WDFY4: variants seen among roughly 807,000 people sequenced by gnomAD.
WDFY4 encodes the protein WDFY family member 4, also known as WD repeat- and FYVE domain-containing protein 4.
WDFY4 carries 169 observed loss-of-function variants against 351.9 expected under a neutral mutation model. The ratio of observed to expected loss-of-function variants is 0.48; its 90% CI spans 0.42 to 0.55. The LOEUF is 0.55. Ranked by LOEUF, WDFY4 falls within the 20% of genes least tolerant of loss-of-function variation. The pLI, the probability that WDFY4 is intolerant of heterozygous loss-of-function variation, is 0.00. For missense variants in WDFY4, 3,803 were observed against 3,935.6 expected (o/e 0.97, Z 0.90); for synonymous variants, 1,622 against 1,574.6 (o/e 1.03, Z -0.71).
In WDFY4 at chr10:48,787,890, T is replaced by TTC. The variant is rs2066492974; in HGVS notation, c.3809-640_3809-639insTC. Among the ~76,000 whole-genome samples the TTC allele has an allele frequency of 4.1e-4, 30 of 72,798 alleles. 3 individuals carry two copies. Among genetic ancestry groups the TTC allele is most frequent in the African/African-American group, 2.8e-3 (29 of 10,278 alleles). The allele number at this position is 72,798 out of a possible 152,430, so 47.8% of individuals were successfully genotyped here. ...TTCTTTCTTCTTTCTTTCTTCTTCT[T>TTC]CTCCTTCTTCTTCTTCTTCTTCTTC... On this transcript the variant is annotated intron_variant, in intron 20 of 61. Coordinates refer to ENST00000325239, the MANE Select transcript of WDFY4 (RefSeq NM_001394531.1).
At chr10:48,733,118 T>A (rs567217252) in intron 9 of WDFY4, among the ~76,000 whole-genome samples, 1 of 152,242 alleles carries the variant, frequency 6.6e-6, no homozygotes, top group African/African-American at 2.4e-5. Flanking sequence ...TAGCTGGTAT[T>A]TCTTTTCAGC....
chr10:48,700,052 T>A (rs986553630), intron 1 of WDFY4, among the ~76,000 whole-genome samples: 2 of 152,242 alleles, frequency 1.3e-5, no homozygotes. Context: ...TGCTGATGCA[T>A]GCTGAAGTTT....
chr10:48,742,884 G>A (rs896518941), intron 11 of WDFY4, 84 bp from the exon 12 acceptor site: 1 of 1,291,256 alleles, frequency 7.7e-7, no homozygotes, highest in Middle Eastern at 1.9e-4. Flanking sequence ...AAGAGCTAGT[G>A]GGACGCTCTG....
chr10:48,818,280 A>C (rs1036391730), intron 32 of WDFY4, among the ~76,000 whole-genome samples: 31 of 152,192 alleles, frequency 2.0e-4, no homozygotes, highest in African/African-American at 7.2e-4. Context: ...GGGGTTTATA[A>C]TCCATGCCAA....
At chr10:48,918,905 T>C (rs1300981233) in intron 47 of WDFY4, among the ~76,000 whole-genome samples, 1 of 152,204 alleles carries the variant, frequency 6.6e-6, no homozygotes, top group Non-Finnish European at 1.5e-5. Flanking sequence ...AAATGTCCAC[T>C]GAGGAGCAAA....
intron 45 of WDFY4, among the ~76,000 whole-genome samples, chr10:48,898,532 G>A (rs1483392663): frequency 6.6e-6 from 1 of 152,168 alleles, no homozygotes; most frequent in African/African-American, 2.4e-5. Flanking sequence ...TCTATTTTCT[G>A]TACGTAGGTC....
intron 1 of WDFY4, among the ~76,000 whole-genome samples, chr10:48,690,901 G>C (rs904976285): frequency 3.9e-5 from 6 of 152,178 alleles, no homozygotes; most frequent in African/African-American, 1.4e-4. Context: ...TGGTTTGTGG[G>C]TCTGGTAGCC....
rs1282720222 is a variant in WDFY4 at position 48,828,825 on chromosome 10, A to G, written c.6269A>G (p.Tyr2090Cys). 1.9e-6 allele frequency: 3 copies of G among 1,549,292 alleles called. No individual in the cohort carries two copies. Among genetic ancestry groups the G allele is most frequent in the Non-Finnish European group, 2.6e-6 (3 of 1,146,172 alleles). ...GAGCCCAAGCCTAGAATGTCTACTT[A>G]TCATCAAGTCTTCCTTTCCCCAAAT... ...GLEPKPRMST[Y>C]HQVFLSPNED... is the part of the protein sequence containing the mutation. Residue 2090 changes from tyrosine (Y) to cysteine (C), a missense_variant, in exon 37 of 62, where the codon TAT becomes TGT. Coordinates refer to ENST00000325239, the MANE Select transcript of WDFY4 (RefSeq NM_001394531.1).
At chr10:48,940,825 A>G (rs1187522316) in intron 47 of WDFY4, among the ~76,000 whole-genome samples, 2 of 152,110 alleles carry the variant, frequency 1.3e-5, no homozygotes, top group African/African-American at 2.4e-5. Context: ...TTTCAGGTGA[A>G]GGGAGAGGGG....
Position 48,978,601 on chromosome 10 carries a change from G to T in WDFY4, c.9376+208G>T, listed in dbSNP as rs1054852881. On this transcript the variant is annotated intron_variant, in intron 60 of 61. Transcript: ENST00000325239. ...ACCTGCTGCCATCACAGCCACAACG[G>T]CCTCAGAATAACCTAACCATAGACA... is the stretch of plus-strand genomic sequence containing the variant. 1.2e-5 allele frequency: 6 copies of T among 519,524 alleles called. No individual in the cohort carries two copies. The African/African-American group carries it at 1.2e-4, about 10-fold the overall frequency. The allele number at this position is 519,524 out of a possible 1,614,324, so 32.2% of individuals were successfully genotyped here.
chr10:48,741,875 C>G (rs889028226), intron 11 of WDFY4, among the ~76,000 whole-genome samples: 2 of 152,174 alleles, frequency 1.3e-5, no homozygotes, highest in African/African-American at 2.4e-5. Context: ...TGTCCACTCT[C>G]TAGGAAACAC....
intron 13 of WDFY4, among the ~76,000 whole-genome samples, chr10:48,764,759 T>C (rs968150862): frequency 2.0e-5 from 3 of 152,272 alleles, no homozygotes; most frequent in African/African-American, 7.2e-5. Context: ...ACAGACCACC[T>C]ACTATGTGCC....
intron 24 of WDFY4, among the ~76,000 whole-genome samples, chr10:48,801,710 T>C (rs2067095319): frequency 1.3e-5 from 2 of 151,960 alleles, no homozygotes; most frequent in African/African-American, 4.9e-5. Flanking sequence ...CACTCATTCT[T>C]TTAAAAAATG....
At chr10:48,803,543 G>C (rs188719516) in intron 25 of WDFY4, among the ~76,000 whole-genome samples, 184 bp downstream of exon 25, 1 of 152,240 alleles carries the variant, frequency 6.6e-6, no homozygotes, top group Non-Finnish European at 1.5e-5. Flanking sequence ...GGCCTCAGGA[G>C]GGCAGATGCT....
At chr10:48,715,481 G>C (rs537247553) in intron 2 of WDFY4, among the ~76,000 whole-genome samples, 2 of 152,180 alleles carry the variant, frequency 1.3e-5, no homozygotes, top group East Asian at 3.8e-4. Context: ...CACATTCCTA[G>C]GCTGACTACT....
At position 48,807,862 on chromosome 10, in the gene WDFY4, G is replaced by T. The variant is rs1345750651; in HGVS notation, c.4742G>T (p.Gly1581Val). ...AAATCTGAATTCTTTTTTGTAGCTGGAAGCCAAACATCTGGAAAGACAATC... is the reference window on the plus strand; with the variant it reads ...AAATCTGAATTCTTTTTTGTAGCTGTAAGCCAAACATCTGGAAAGACAATC... Reference protein sequence around the residue: ...DGALDPSLPAGSQTSGKTIWL... With the variant: ...DGALDPSLPAVSQTSGKTIWL... Residue 1581 changes from glycine (G) to valine (V), a missense_variant, in exon 28 of 62, where the codon GGA becomes GTA. This residue lies in a region of WDFY4 where 3,054 missense variants were observed against 3,148.6 expected (regional missense o/e 0.97). Coordinates refer to ENST00000325239, the MANE Select transcript of WDFY4 (RefSeq NM_001394531.1). The T allele has an allele frequency of 1.3e-6, 2 of 1,551,278 alleles. No homozygotes were observed. The highest frequency in any genetic ancestry group is 1.7e-6 in the Non-Finnish European group (2 of 1,146,906).
intron 39 of WDFY4, among the ~76,000 whole-genome samples, chr10:48,862,524 C>A (rs2069379577): frequency 6.6e-6 from 1 of 152,128 alleles, no homozygotes; most frequent in African/African-American, 2.4e-5. Context: ...GTTACTGTCT[C>A]CCATCACCCT....
intron 52 of WDFY4, among the ~76,000 whole-genome samples, 200 bp from the exon 53 acceptor site, chr10:48,959,522 T>TG (rs1343957340): frequency 6.6e-6 from 1 of 152,140 alleles, no homozygotes; most frequent in Non-Finnish European, 1.5e-5. Context: ...GAGGGCCTCC[T>TG]GGAGGAGGCA....
intron 47 of WDFY4, among the ~76,000 whole-genome samples, chr10:48,919,534 T>A (rs905653814): frequency 6.6e-6 from 1 of 152,200 alleles, no homozygotes; most frequent in Non-Finnish European, 1.5e-5. Flanking sequence ...CAACATAAAT[T>A]TATCTCTCAC....
Sources: gnomAD v4.1 joint callset for allele counts (sites outside exome capture counted in the v4.1 genomes callset) on GRCh38, gnomAD v4.1.1 for gene constraint, gnomAD v4.1.1 regional missense constraint, MANE v1.5 for transcripts, NCBI Gene and HGNC (gene_info 2026-07-23, HGNC 2026-07-21) for gene names.